Variants in ZNF57 observed in about 807,000 individuals in gnomAD.
The protein encoded by ZNF57 is zinc finger protein 57.
In ZNF57, 11 loss-of-function variants were observed where a neutral mutation model predicts 13.4. That is an observed-to-expected ratio of 0.82 (90% CI 0.52 to 1.36). The LOEUF is 1.36. Among genes scored for constraint, ZNF57 ranks in the 40% most tolerant of loss-of-function variants. ZNF57 has a pLI of 0.00. For synonymous variants in ZNF57, 224 were observed against 238.5 expected (o/e 0.94, Z 0.56); for missense variants, 696 against 667.5 (o/e 1.04, Z -0.47).
At chr19:2,915,786 T>C (rs1191755795) in intron 2 of ZNF57, 138 bp downstream of exon 2, 1 of 1,362,876 alleles carries the variant, frequency 7.3e-7, no homozygotes. Flanking sequence ...ATCTAGTCAT[T>C]ATTCCCTAAC....
chr19:2,902,743 A>G (rs1289413519), intron 1 of ZNF57, among the ~76,000 whole-genome samples: 1 of 152,172 alleles, frequency 6.6e-6, no homozygotes, highest in Non-Finnish European at 1.5e-5. Context: ...GTTTGTCACC[A>G]GGAGTATTGC....
Position 2,917,746 on chromosome 19 carries a change from G to C in ZNF57, c.1125G>C (p.Trp375Cys), listed in dbSNP as rs577269585. ...AACAATGTGGGAAAGCCTTCACTTG[G>C]TCCTCAACGTTTAGAGAACATGTGA... Reference protein sequence around the residue: ...ECKQCGKAFTWSSTFREHVRI... With the variant: ...ECKQCGKAFTCSSTFREHVRI... Residue 375 changes from tryptophan to cysteine, a missense_variant, in exon 4 of 4, where the codon TGG (tryptophan) becomes TGC (cysteine). Around this residue, in one of 3 missense-constraint regions of ZNF57, gnomAD observed 645 missense variants for 591.5 expected, o/e 1.09. Transcript: ENST00000306908. 1 of 1,613,672 alleles carries C rather than the reference G, an allele frequency of 6.2e-7. No individual in the cohort carries two copies. Among genetic ancestry groups the C allele is most frequent in the East Asian group, 2.2e-5 (1 of 44,846 alleles).
At chr19:2,914,716 T>C (rs2088173121) in intron 1 of ZNF57, among the ~76,000 whole-genome samples, 1 of 152,220 alleles carries the variant, frequency 6.6e-6, no homozygotes, top group Non-Finnish European at 1.5e-5. Flanking sequence ...GATACAGAAA[T>C]GCTGCGTGTG....
intron 1 of ZNF57, among the ~76,000 whole-genome samples, chr19:2,909,289 T>G (rs2088110592): frequency 7.4e-6 from 1 of 134,778 alleles, no homozygotes; most frequent in Non-Finnish European, 1.6e-5. Context: ...TTGTTTTTTT[T>G]TTTTTTTTTG....
At position 2,917,010 on chromosome 19, in the gene ZNF57, A is replaced by C; in HGVS notation, c.389A>C (p.His130Pro). The C allele has an allele frequency of 6.2e-7, 1 of 1,614,232 alleles. No homozygotes were observed. The change falls in exon 4 of 4, where the codon CAC (histidine) becomes CCC (proline). Residue 130 changes from histidine (H) to proline (P), a missense_variant. Physicochemically the swap from His to Pro is moderately conservative, Grantham distance 77. Coordinates refer to ENST00000306908, the MANE Select transcript of ZNF57 (RefSeq NM_173480.3). ...AIHQMPDLTLHKKVSAGEKPY... is the reference protein window; with the variant it reads ...AIHQMPDLTLPKKVSAGEKPY... ...CATCAAATGCCAGATCTTACCCTGC[A>C]CAAGAAAGTTTCTGCTGGAGAAAAA...
intron 1 of ZNF57, among the ~76,000 whole-genome samples, chr19:2,914,267 G>C (rs914195310): frequency 5.3e-5 from 8 of 151,600 alleles, no homozygotes; most frequent in African/African-American, 1.9e-4. Flanking sequence ...TTATTTTTTT[G>C]AGTCTTGCTC....
chr19:2,903,630 A>T (rs2088047614), intron 1 of ZNF57, among the ~76,000 whole-genome samples: 1 of 151,302 alleles, frequency 6.6e-6, no homozygotes, highest in African/African-American at 2.4e-5. Context: ...CCCCAGGGTA[A>T]CCACTGTCCT....
In ZNF57 at chr19:2,918,334, T is replaced by C. The variant is rs758025967; in HGVS notation, c.*45T>C. 5.9e-6 allele frequency: 9 copies of C among 1,519,744 alleles called. No homozygotes were observed. Among genetic ancestry groups the C allele is most frequent in the South Asian group, 1.3e-5 (1 of 75,424 alleles). 94.1% of individuals were successfully genotyped at this position (1,519,744 alleles called of 1,614,324 possible). ...AATGGGGTAACCTCACATTAATTCA[T>C]GTATAATGCTCCAGAAAATTCACAC... On this transcript the variant is annotated 3_prime_UTR_variant, in exon 4 of 4. Transcript: ENST00000306908.
At chr19:2,914,893 G>A (rs998372591) in intron 1 of ZNF57, among the ~76,000 whole-genome samples, 1 of 152,084 alleles carries the variant, frequency 6.6e-6, no homozygotes, top group African/African-American at 2.4e-5. Flanking sequence ...CCTCCTCTGT[G>A]CTGTTATTGG....
chr19:2,906,971 G>A (rs1286427345), intron 1 of ZNF57: 2 of 152,106 alleles, frequency 1.3e-5, no homozygotes, highest in Non-Finnish European at 2.9e-5. Flanking sequence ...CACCGCCACT[G>A]GGACTGGTCT....
chr19:2,906,645 G>A (rs1451587438), intron 1 of ZNF57, among the ~76,000 whole-genome samples: 1 of 152,204 alleles, frequency 6.6e-6, no homozygotes, highest in Non-Finnish European at 1.5e-5. Context: ...GTGGCTACCA[G>A]GGAGCGTCGT....
At chr19:2,915,948 GAAA>G in intron 2 of ZNF57, 127 bp from the exon 3 acceptor site, 2 of 1,086,132 alleles carry the variant, frequency 1.8e-6, no homozygotes, top group Non-Finnish European at 2.6e-6. Flanking sequence ...CTGTGTTTGT[GAAA>G]TACCTAACAT....
chr19:2,905,823 T>G (rs1189333482), intron 1 of ZNF57, among the ~76,000 whole-genome samples: 1 of 151,986 alleles, frequency 6.6e-6, no homozygotes. Flanking sequence ...CTGATTGTTC[T>G]TAGACATTTG....
At chr19:2,902,714 C>A (rs1160869209) in intron 1 of ZNF57, among the ~76,000 whole-genome samples, 1 of 152,076 alleles carries the variant, frequency 6.6e-6, no homozygotes, top group Non-Finnish European at 1.5e-5. Context: ...GAGGCGTGTT[C>A]CATTCTGGTT....
chr19:2,916,836 T>G, intron 3 of ZNF57, 88 bp from the exon 4 acceptor site: 1 of 1,185,014 alleles, frequency 8.4e-7, no homozygotes, highest in Non-Finnish European at 1.2e-6. Context: ...TGAAATGTAG[T>G]TAGACATTAT....
chr19:2,905,733 C>A (rs1304010053), intron 1 of ZNF57, among the ~76,000 whole-genome samples: 2 of 139,228 alleles, frequency 1.4e-5, no homozygotes, highest in Admixed American at 7.9e-5. Flanking sequence ...CCACTGCACT[C>A]CAGCCTGGGT....
chr19:2,916,781 AT>A (rs1163965798), intron 3 of ZNF57, 142 bp from the exon 4 acceptor site: 5 of 637,154 alleles, frequency 7.8e-6, no homozygotes, highest in Non-Finnish European at 1.3e-5. Flanking sequence ...GCATTAAAAA[AT>A]ATGTCTCTTC....
chr19:2,901,181 C>A, intron 1 of ZNF57, 133 bp downstream of exon 1: 1 of 1,245,000 alleles, frequency 8.0e-7, no homozygotes. Flanking sequence ...GCACCTGGGA[C>A]CCGGGGACGC....
At chr19:2,914,894 C>T (rs1030204071) in intron 1 of ZNF57, among the ~76,000 whole-genome samples, 1 of 152,178 alleles carries the variant, frequency 6.6e-6, no homozygotes, top group African/African-American at 2.4e-5. Context: ...CTCCTCTGTG[C>T]TGTTATTGGC....
Sources: gnomAD v4.1 joint callset for allele counts (sites outside exome capture counted in the v4.1 genomes callset) on GRCh38, gnomAD v4.1.1 for gene constraint, gnomAD v4.1.1 regional missense constraint, MANE v1.5 for transcripts, NCBI Gene and HGNC (gene_info 2026-07-23, HGNC 2026-07-21) for gene names.